TERF1: variants seen among roughly 807,000 people sequenced by gnomAD.
TERF1 encodes telomeric repeat-binding factor 1.
In TERF1, 20 loss-of-function variants were observed where a neutral mutation model predicts 55.1. The observed-to-expected ratio is 0.36, with a 90% CI of 0.26 to 0.53. TERF1 has a LOEUF of 0.53. Among genes scored for constraint, TERF1 ranks in the 20% least tolerant of loss-of-function variants. The pLI is 0.91. For missense variants in TERF1, 439 were observed against 535.7 expected (o/e 0.82, Z 1.78); for synonymous variants, 168 against 181.2 (o/e 0.93, Z 0.59).
At chr8:73,027,138 AATT>A in intron 6 of TERF1, 86 bp downstream of exon 6, 2 of 928,802 alleles carry the variant, frequency 2.2e-6, no homozygotes, top group Admixed American at 5.3e-5. Flanking sequence ...TATTAAAAAT[AATT>A]ATTGAGTAGC....
intron 2 of TERF1, among the ~76,000 whole-genome samples, chr8:73,015,655 G>C (rs761262026): frequency 1.3e-5 from 2 of 151,286 alleles, no homozygotes; most frequent in Non-Finnish European, 2.9e-5. Context: ...TGCTAACGTG[G>C]TGAAACCCCG....
At chr8:73,024,061 T>A (rs901882255) in intron 4 of TERF1, among the ~76,000 whole-genome samples, 1 of 152,218 alleles carries the variant, frequency 6.6e-6, no homozygotes, top group African/African-American at 2.4e-5. Flanking sequence ...AGAATTTTTT[T>A]AAAGTTCTAC....
intron 6 of TERF1, among the ~76,000 whole-genome samples, chr8:73,027,427 ATCTTC>A (rs1438006605): frequency 6.6e-6 from 1 of 152,198 alleles, no homozygotes; most frequent in Non-Finnish European, 1.5e-5. Context: ...TTATTCATAT[ATCTTC>A]TCTAAGCATA....
chr8:73,008,953 C>A lies in TERF1; in HGVS notation c.67C>A (p.Pro23Thr), dbSNP rs1192550531. 1.9e-6 allele frequency: 3 copies of A among 1,612,896 alleles called. No individual in the cohort carries two copies. In the Admixed American group the frequency reaches 5.0e-5, roughly 27 times the overall value. ...RGCADGRDAD[P>T]TEEQMAETER... ...CTGTGCGGATGGTAGGGATGCCGACCCTACTGAGGAGCAGATGGCAGAAAC... is the reference window on the plus strand; with the variant it reads ...CTGTGCGGATGGTAGGGATGCCGACACTACTGAGGAGCAGATGGCAGAAAC... The change falls in exon 1 of 10, where the codon CCT becomes ACT. Residue 23 changes from proline to threonine, a missense_variant. Pro to Thr is a conservative substitution (Grantham distance 38). Coordinates refer to ENST00000276603, the MANE Select transcript of TERF1 (RefSeq NM_017489.3).
At chr8:73,020,994 A>G (rs1367709922) in intron 3 of TERF1, among the ~76,000 whole-genome samples, 189 bp downstream of exon 3, 2 of 152,144 alleles carry the variant, frequency 1.3e-5, no homozygotes, top group African/African-American at 4.8e-5. Context: ...ATACTTAAGC[A>G]TATGTTGCCT....
chr8:73,016,884 C>A (rs569016822), intron 2 of TERF1, among the ~76,000 whole-genome samples: 1 of 152,314 alleles, frequency 6.6e-6, no homozygotes, highest in East Asian at 1.9e-4. Flanking sequence ...CTGGAGTGCA[C>A]TGGATCCTCA....
At chr8:73,024,353 C>T (rs887670741) in intron 4 of TERF1, among the ~76,000 whole-genome samples, 5 of 152,134 alleles carry the variant, frequency 3.3e-5, no homozygotes, top group African/African-American at 9.7e-5. Context: ...GAATACGCAT[C>T]GTACAACACT....
Position 73,048,109 on chromosome 8 carries a change from A to AT in TERF1, c.*1974dup. 6.6e-6 allele frequency: 1 copy of AT among 152,348 alleles called. No individual in the cohort carries two copies. The highest frequency in any genetic ancestry group is 1.5e-5 in the Non-Finnish European group (1 of 68,034). The allele number at this position is 152,348 out of a possible 1,614,324, so 9.4% of individuals were successfully genotyped here. A position where few individuals can be genotyped will look rare whatever the true frequency, so the allele number is the denominator to read the frequency against. ...GTAAGCAAAATAAGTTGGGTAATATATTCCTAAAACCTCATCTTCTCCAGT... is the reference window on the plus strand; with the variant it reads ...GTAAGCAAAATAAGTTGGGTAATATATTTCCTAAAACCTCATCTTCTCCAGT... On this transcript the variant is annotated 3_prime_UTR_variant, in exon 10 of 10. Coordinates refer to ENST00000276603, the MANE Select transcript of TERF1 (RefSeq NM_017489.3).
At chr8:73,029,359 T>A (rs906772659) in intron 6 of TERF1, among the ~76,000 whole-genome samples, 2 of 152,148 alleles carry the variant, frequency 1.3e-5, no homozygotes, top group African/African-American at 4.8e-5. Flanking sequence ...GAACAGTGGC[T>A]CACACCTGTA....
At chr8:73,037,837 T>G (rs1205208233) in intron 8 of TERF1, among the ~76,000 whole-genome samples, 1 of 91,868 alleles carries the variant, frequency 1.1e-5, no homozygotes, top group African/African-American at 3.9e-5. Context: ...AGTATAATAA[T>G]ATATATAATA....
chr8:73,032,000 A>G (rs778931821), intron 7 of TERF1, 42 bp from the exon 8 acceptor site: 17 of 1,394,744 alleles, frequency 1.2e-5, no homozygotes, highest in African/African-American at 2.9e-5. Context: ...TTGCCTTACT[A>G]TCTTTCTGGA....
rs750782037 is a variant in TERF1 at position 73,008,868 on chromosome 8, C to A, written c.-19C>A. Reference sequence around the variant, plus strand: ...TTGCTCGGCGCCTGAAGGGGCAGTACCCAAGCGAGCCATTTAACATGGCGG... The same window carrying A: ...TTGCTCGGCGCCTGAAGGGGCAGTAACCAAGCGAGCCATTTAACATGGCGG... On this transcript the variant is annotated 5_prime_UTR_variant, in exon 1 of 10. Transcript: ENST00000276603. 6.3e-7 allele frequency: 1 copy of A among 1,588,818 alleles called. No homozygotes were observed. The highest frequency in any genetic ancestry group is 1.8e-5 in the Admixed American group (1 of 54,648).
chr8:73,030,443 G>T, intron 7 of TERF1, 48 bp downstream of exon 7: 1 of 1,274,086 alleles, frequency 7.8e-7, no homozygotes, highest in South Asian at 1.7e-5. Context: ...ATCTTTGATT[G>T]AAGCAATTCA....
At chr8:73,019,601 C>T (rs183396368) in intron 2 of TERF1, among the ~76,000 whole-genome samples, 4 of 152,140 alleles carry the variant, frequency 2.6e-5, no homozygotes, top group Non-Finnish European at 4.4e-5. Context: ...GTGTCATCAT[C>T]GCTCACTGAG....
At chr8:73,038,499 G>C (rs1369464875) in intron 8 of TERF1, among the ~76,000 whole-genome samples, 2 of 151,218 alleles carry the variant, frequency 1.3e-5, no homozygotes, top group Non-Finnish European at 2.9e-5. Context: ...AGATTTTTTT[G>C]TGGCTATTGT....
chr8:73,047,495 AAAC>A lies in TERF1; in HGVS notation c.*1361_*1363del, dbSNP rs2129947191. 1 of 152,338 alleles carries A rather than the reference AAAC, an allele frequency of 6.6e-6. No individual in the cohort carries two copies. Among genetic ancestry groups the A allele is most frequent in the South Asian group, 2.1e-4 (1 of 4,826 alleles). The allele number at this position is 152,338 out of a possible 1,614,324, so 9.4% of individuals were successfully genotyped here. ...TAAACAAGGTCATACATACCTTACT[AAAC>A]AATTTTGGTTTTTCACCAACATTTT... On this transcript the variant is annotated 3_prime_UTR_variant, in exon 10 of 10. Transcript: ENST00000276603.
intron 4 of TERF1, among the ~76,000 whole-genome samples, chr8:73,023,060 AACAAAAAGAT>A (rs1808836779): frequency 8.3e-6 from 1 of 120,792 alleles, no homozygotes; most frequent in African/African-American, 2.8e-5. Context: ...ACTGTTTAGG[AACAAAAAGAT>A]ACAAAAAATC....
At position 73,008,892 on chromosome 8, in the gene TERF1, G is replaced by A. The variant is rs1808137163; in HGVS notation, c.6G>A (p.Ala2=). The A allele has an allele frequency of 4.4e-6, 7 of 1,604,944 alleles. No individual in the cohort carries two copies. The highest frequency in any genetic ancestry group is 6.0e-6 in the Non-Finnish European group (7 of 1,176,378). Residue 2 remains alanine (A), a synonymous_variant, in exon 1 of 10, where the codon GCG becomes GCA. Transcript: ENST00000276603. ...ACCCAAGCGAGCCATTTAACATGGC[G>A]GAGGATGTTTCCTCAGCGGCCCCGA... is the stretch of plus-strand genomic sequence containing the variant. M[A]EDVSSAAPSP... is the part of the protein sequence containing the mutation.
chr8:73,038,713 TA>T, intron 8 of TERF1: 1 of 934,336 alleles, frequency 1.1e-6, no homozygotes, highest in Non-Finnish European at 1.3e-6. Context: ...CAGTTACATA[TA>T]TTTGTCTTAC....
Sources: gnomAD v4.1 joint callset for allele counts (sites outside exome capture counted in the v4.1 genomes callset) on GRCh38, gnomAD v4.1.1 for gene constraint, MANE v1.5 for transcripts, NCBI Gene and HGNC (gene_info 2026-07-23, HGNC 2026-07-21) for gene names.